The following DISC1 variants were observed in gnomAD, a reference collection of about 807,000 sequenced individuals.
DISC1 encodes the protein disrupted in schizophrenia 1 protein.
Under a neutral mutation model 84.5 loss-of-function variants are expected in DISC1, and 57 were observed. The ratio of observed to expected loss-of-function variants is 0.67; its 90% CI spans 0.55 to 0.84. The LOEUF (loss-of-function observed/expected upper bound fraction) is 0.84. Among genes scored for constraint, DISC1 ranks in the 40% least tolerant of loss-of-function variants. DISC1 has a pLI of 0.00. For missense variants in DISC1, 1,000 were observed against 1,057.8 expected (o/e 0.95, Z 0.76); for synonymous variants, 411 against 415.2 (o/e 0.99, Z 0.12).
chr1:231,928,067 G>C (rs566265770), intron 9 of DISC1, among the ~76,000 whole-genome samples: 2 of 152,314 alleles, frequency 1.3e-5, no homozygotes. Flanking sequence ...CTTTTCTTGA[G>C]AGATTTATTC....
intron 9 of DISC1, among the ~76,000 whole-genome samples, chr1:231,905,409 G>C (rs2126037048): frequency 1.3e-5 from 2 of 152,220 alleles, no homozygotes; most frequent in East Asian, 1.9e-4. Context: ...GCTTGAGCCT[G>C]AGAGTTCGAA....
intron 10 of DISC1, among the ~76,000 whole-genome samples, chr1:231,963,486 C>T (rs1660669657): frequency 6.6e-6 from 1 of 152,040 alleles, no homozygotes; most frequent in Admixed American, 6.6e-5. Context: ...AGTTTGCTCC[C>T]CCACCCCTCT....
chr1:231,984,695 A>T (rs1664148480), intron 10 of DISC1, among the ~76,000 whole-genome samples: 1 of 152,160 alleles, frequency 6.6e-6, no homozygotes, highest in African/African-American at 2.4e-5. Context: ...ACAGACATAC[A>T]TGAAGAGCTA....
intron 9 of DISC1, among the ~76,000 whole-genome samples, chr1:231,920,905 ATTTT>A (rs34325068): frequency 1.8e-5 from 2 of 112,934 alleles, no homozygotes. Flanking sequence ...CTGAACTGCT[ATTTT>A]TTTTTTTTTT....
intron 6 of DISC1, among the ~76,000 whole-genome samples, chr1:231,779,357 G>T (rs1384139615): frequency 6.6e-6 from 1 of 152,088 alleles, no homozygotes; most frequent in Non-Finnish European, 1.5e-5. Context: ...GTGCCTTTGT[G>T]TTCTGAAAAG....
chr1:231,779,820 A>G (rs1421900639), intron 6 of DISC1, among the ~76,000 whole-genome samples: 1 of 151,948 alleles, frequency 6.6e-6, no homozygotes, highest in African/African-American at 2.4e-5. Context: ...CGGTCTCCCA[A>G]AGTGCTGGGA....
intron 9 of DISC1, among the ~76,000 whole-genome samples, chr1:231,953,187 C>G (rs1159113156): frequency 6.6e-6 from 1 of 152,198 alleles, no homozygotes; most frequent in Admixed American, 6.5e-5. Context: ...AAAATGGTAG[C>G]TAAATTGATA....
At chr1:231,801,299 C>T (rs2079230711) in intron 8 of DISC1, among the ~76,000 whole-genome samples, 1 of 152,086 alleles carries the variant, frequency 6.6e-6, no homozygotes, top group Non-Finnish European at 1.5e-5. Context: ...GAAGATTGAA[C>T]ACAGTCTTGC....
At chr1:231,933,278 A>C (rs1244802900) in intron 9 of DISC1, among the ~76,000 whole-genome samples, 1 of 152,218 alleles carries the variant, frequency 6.6e-6, no homozygotes, top group Non-Finnish European at 1.5e-5. Context: ...AGGCTATGCT[A>C]GATTAACTTC....
intron 1 of DISC1, among the ~76,000 whole-genome samples, chr1:231,654,667 TC>T (rs1394710306): frequency 2.6e-5 from 4 of 152,174 alleles, no homozygotes; most frequent in Non-Finnish European, 4.4e-5. Flanking sequence ...ATTCTCTACT[TC>T]CGACTTTTTT....
Position 231,767,237 on chromosome 1 carries a change from G to A in DISC1, c.1366G>A (p.Asp456Asn), listed in dbSNP as rs1482018226. 3 of 1,614,202 alleles carry A rather than the reference G, an allele frequency of 1.9e-6. No homozygotes were observed. Among genetic ancestry groups the A allele is most frequent in the Non-Finnish European group, 2.5e-6 (3 of 1,180,042 alleles). ...CTTGCACGTGTCCATCACGAGACGAGACTGGCTTCTTCAGGAAAAGCAGCA... is the reference window on the plus strand; with the variant it reads ...CTTGCACGTGTCCATCACGAGACGAAACTGGCTTCTTCAGGAAAAGCAGCA... ...DSLHVSITRR[D>N]WLLQEKQQLQ... The change falls in exon 5 of 13, where the codon GAC becomes AAC. Residue 456 changes from aspartate (D) to asparagine (N), a missense_variant. Transcript: ENST00000439617.
chr1:231,971,161 G>T (rs1387365152), intron 10 of DISC1, among the ~76,000 whole-genome samples: 1 of 152,140 alleles, frequency 6.6e-6, no homozygotes, highest in Non-Finnish European at 1.5e-5. Context: ...TAGCTTGAGT[G>T]TTTTTGATGC....
At chr1:231,948,084 T>G (rs1277595139) in intron 9 of DISC1, among the ~76,000 whole-genome samples, 4 of 152,106 alleles carry the variant, frequency 2.6e-5, no homozygotes, top group African/African-American at 9.7e-5. Flanking sequence ...GAAATACCAT[T>G]TGACCCAGCA....
chr1:231,648,000 T>C (rs1310891790), intron 1 of DISC1, among the ~76,000 whole-genome samples: 1 of 152,258 alleles, frequency 6.6e-6, no homozygotes, highest in African/African-American at 2.4e-5. Flanking sequence ...TCATATCATC[T>C]GCCAACAGGG....
In DISC1 at chr1:231,722,545, C is replaced by T. The variant is rs371282562; in HGVS notation, c.1117+20521C>T. ...TTCATTTTCTTCTTGGCAGCTGGAA[C>T]CAATTGCTTTGGATCCACCATGGAA... On this transcript the variant is annotated intron_variant, in intron 3 of 12. Transcript: ENST00000439617. 7 of 1,614,146 alleles carry T rather than the reference C, an allele frequency of 4.3e-6. No homozygotes were observed. The African/African-American group carries it at 9.3e-5, about 22-fold the overall frequency.
rs773166710 is a variant in DISC1 at position 231,694,425 on chromosome 1, C to T, written c.667C>T (p.Arg223Cys). 2.8e-5 allele frequency: 45 copies of T among 1,614,264 alleles called. No homozygotes were observed. The South Asian group carries it at 3.5e-4, about 13-fold the overall frequency. The change falls in exon 2 of 13, where the codon CGT (arginine) becomes TGT (cysteine). Residue 223 changes from arginine (R) to cysteine (C), a missense_variant. Physicochemically the swap from Arg to Cys is radical, Grantham distance 180 (BLOSUM62 -3). This residue lies in a region of DISC1 where 311 missense variants were observed against 400.1 expected (regional missense o/e 0.78). Transcript: ENST00000439617. ...IRLSLGSAGE[R>C]GEAEGCPPSR... ...GCTCTCGCTTGGCTCTGCCGGGGAA[C>T]GTGGAGAAGCAGAAGGCTGCCCACC... is the stretch of plus-strand genomic sequence containing the variant.
chr1:231,707,834 C>T (rs1434143345), intron 3 of DISC1, among the ~76,000 whole-genome samples: 1 of 152,030 alleles, frequency 6.6e-6, no homozygotes, highest in African/African-American at 2.4e-5. Flanking sequence ...TCCCTAAAAC[C>T]CCAAATTCCT....
intron 9 of DISC1, among the ~76,000 whole-genome samples, chr1:231,823,880 G>T (rs113660755): frequency 0.012 from 1,743 of 151,118 alleles, 34 homozygotes; most frequent in African/African-American, 0.04. Flanking sequence ...TGTAGGTATG[G>T]ACAGTTTTTC....
intron 4 of DISC1, among the ~76,000 whole-genome samples, chr1:231,760,521 C>A (rs200062750): frequency 5.9e-5 from 9 of 152,130 alleles, no homozygotes; most frequent in Non-Finnish European, 1.0e-4. Flanking sequence ...CCCTCAGGAC[C>A]GCATTTTTCT....
Sources: allele counts gnomAD v4.1 joint callset (sites outside exome capture counted in the v4.1 genomes callset), GRCh38; gene constraint gnomAD v4.1.1; regional missense constraint gnomAD v4.1.1; transcripts MANE v1.5; gene names NCBI Gene and HGNC (gene_info 2026-07-23, HGNC 2026-07-21).